AKT3: variants seen among roughly 807,000 people sequenced by gnomAD.
AKT3 encodes the protein AKT serine/threonine kinase 3.
AKT3 carries 15 observed loss-of-function variants against 65.3 expected under a neutral mutation model. That is an observed-to-expected ratio of 0.23 (90% CI 0.15 to 0.35). The LOEUF (loss-of-function observed/expected upper bound fraction) is 0.35. Ranked by LOEUF, AKT3 falls within the 10% of genes least tolerant of loss-of-function variation. AKT3 has a pLI of 1.00. For synonymous variants in AKT3, 206 were observed against 183.8 expected (o/e 1.12, Z -0.98); for missense variants, 243 against 576.5 (o/e 0.42, Z 5.92).
At chr1:243,799,202 T>C (rs985266065) in intron 2 of AKT3, among the ~76,000 whole-genome samples, 1 of 151,872 alleles carries the variant, frequency 6.6e-6, no homozygotes, top group East Asian at 1.9e-4. Context: ...AGAAAGAAAA[T>C]GGGGAGGGAA....
chr1:243,719,905 G>A (rs977495007), intron 2 of AKT3, among the ~76,000 whole-genome samples: 7 of 152,274 alleles, frequency 4.6e-5, no homozygotes, highest in East Asian at 1.9e-4. Flanking sequence ...TGTATTACGC[G>A]CAAACGGATT....
chr1:243,489,181 G>A (rs1282300154), intron 13 of AKT3: 1 of 1,604,330 alleles, frequency 6.2e-7, no homozygotes. Flanking sequence ...TCCTTGGGCG[G>A]GCGTCTACAG....
At chr1:243,585,848 A>G (rs1380952388) in intron 8 of AKT3, among the ~76,000 whole-genome samples, 1 of 152,230 alleles carries the variant, frequency 6.6e-6, no homozygotes, top group Admixed American at 6.5e-5. Flanking sequence ...TATATGACTA[A>G]GTCCTCGATA....
In AKT3 at chr1:243,786,619, A is replaced by G. The variant is rs371778829; in HGVS notation, c.46+56506T>C. Among the ~76,000 whole-genome samples, 12 of 152,352 alleles carry G rather than the reference A, an allele frequency of 7.9e-5. No individual in the cohort carries two copies. The East Asian group carries it at 2.3e-3, about 29-fold the overall frequency. ...TTAAGAGCTCTGAATCCAACAAATAAGTATGTAATAAGCAAATAAAAGTAA... is the reference window on the plus strand; with the variant it reads ...TTAAGAGCTCTGAATCCAACAAATAGGTATGTAATAAGCAAATAAAAGTAA... On this transcript the variant is annotated intron_variant, in intron 2 of 13. Transcript: ENST00000673466.
chr1:243,568,897 C>A (rs1574624749), intron 9 of AKT3, among the ~76,000 whole-genome samples: 2 of 152,076 alleles, frequency 1.3e-5, no homozygotes, highest in African/African-American at 4.8e-5. Flanking sequence ...GTAGGCCAGA[C>A]TAAATATTTG....
intron 2 of AKT3, among the ~76,000 whole-genome samples, chr1:243,814,063 G>C (rs772831546): frequency 1.4e-4 from 22 of 152,268 alleles, no homozygotes; most frequent in Middle Eastern, 3.4e-3. Flanking sequence ...ATCCACTCCA[G>C]CCTAAGCAAC....
rs575488338 is a variant in AKT3 at position 243,622,778 on chromosome 1, T to C, written c.562-7617A>G. Reference sequence around the variant, plus strand: ...GCTTCCTACAATAAACCACAATCGTTGATGCAATGTTTAATACAGAGGTTC... The same window carrying C: ...GCTTCCTACAATAAACCACAATCGTCGATGCAATGTTTAATACAGAGGTTC... On this transcript the variant is annotated intron_variant, in intron 6 of 13. Coordinates refer to ENST00000673466, the MANE Select transcript of AKT3 (RefSeq NM_005465.7). Among the ~76,000 whole-genome samples the C allele has an allele frequency of 4.6e-5, 7 of 152,268 alleles. No individual in the cohort carries two copies. In the South Asian group the frequency reaches 1.5e-3, roughly 32 times the overall value.
At chr1:243,623,082 T>C (rs1678886336) in intron 6 of AKT3, among the ~76,000 whole-genome samples, 1 of 152,216 alleles carries the variant, frequency 6.6e-6, no homozygotes, top group South Asian at 2.1e-4. Flanking sequence ...ATATTCTGCC[T>C]GGTCAGAGTA....
rs150743567 is a variant in AKT3 at position 243,781,448 on chromosome 1, T to C, written c.46+61677A>G. On this transcript the variant is annotated intron_variant, in intron 2 of 13. Coordinates refer to ENST00000673466, the MANE Select transcript of AKT3 (RefSeq NM_005465.7). ...ATTTGTACTTCCCTCCTCTGTCGAA[T>C]GCCTCTTCACATTCTTTGTCCTTTC... Among the ~76,000 whole-genome samples the C allele has an allele frequency of 3.5e-3, 537 of 152,328 alleles. 2 individuals carry two copies. The highest frequency in any genetic ancestry group is 0.012 in the African/African-American group (519 of 41,584).
intron 5 of AKT3, among the ~76,000 whole-genome samples, chr1:243,640,565 TC>T (rs1266810147): frequency 6.6e-6 from 1 of 152,260 alleles, no homozygotes; most frequent in East Asian, 1.9e-4. Flanking sequence ...GTCCATATTA[TC>T]CTGCTGGAGA....
intron 8 of AKT3, among the ~76,000 whole-genome samples, chr1:243,586,288 T>C (rs1675795660): frequency 6.6e-6 from 1 of 152,186 alleles, no homozygotes; most frequent in African/African-American, 2.4e-5. Flanking sequence ...CTTGTAACAC[T>C]GTTGGTGGGA....
chr1:243,515,883 G>A (rs989463267), intron 12 of AKT3, among the ~76,000 whole-genome samples: 4 of 151,936 alleles, frequency 2.6e-5, no homozygotes, highest in Admixed American at 6.6e-5. Flanking sequence ...CCAGCTACTC[G>A]GGAGAATGGC....
chr1:243,817,891 G>A lies in AKT3; in HGVS notation c.46+25234C>T, dbSNP rs536150411. 2.3e-4 allele frequency among the ~76,000 whole-genome samples: 35 copies of A among 152,222 alleles called. 1 individual carries two copies. The highest frequency in any genetic ancestry group is 1.6e-3 in the Admixed American group (25 of 15,288). On this transcript the variant is annotated intron_variant, in intron 2 of 13. Coordinates refer to ENST00000673466, the MANE Select transcript of AKT3 (RefSeq NM_005465.7). Reference sequence around the variant, plus strand: ...TGAATTCTATCCATGAATTAACTCAGGCATGGAAGATAAATGCTAAATTGT... The same window carrying A: ...TGAATTCTATCCATGAATTAACTCAAGCATGGAAGATAAATGCTAAATTGT...
At chr1:243,722,250 A>G (rs1049474600) in intron 2 of AKT3, among the ~76,000 whole-genome samples, 16 of 152,202 alleles carry the variant, frequency 1.1e-4, no homozygotes, top group Admixed American at 7.9e-4. Flanking sequence ...TATTATGCTT[A>G]CATTTGAACT....
chr1:243,646,575 G>A (rs993357964), intron 4 of AKT3, among the ~76,000 whole-genome samples: 22 of 152,054 alleles, frequency 1.4e-4, no homozygotes, highest in African/African-American at 4.6e-4. Context: ...GGCTGGTCTC[G>A]AACTCCTGAC....
chr1:243,712,236 G>T (rs923514191), intron 2 of AKT3, among the ~76,000 whole-genome samples: 2 of 152,170 alleles, frequency 1.3e-5, no homozygotes, highest in South Asian at 4.1e-4. Flanking sequence ...AAGTCAAGGT[G>T]GCTGATGATT....
chr1:243,594,196 G>A (rs1676440112), intron 8 of AKT3, among the ~76,000 whole-genome samples: 1 of 152,102 alleles, frequency 6.6e-6, no homozygotes, highest in South Asian at 2.1e-4. Flanking sequence ...AATAGGTAAA[G>A]AAAAATTGAA....
intron 2 of AKT3, among the ~76,000 whole-genome samples, chr1:243,828,880 A>T (rs9428587): frequency 0.05 from 7,639 of 152,222 alleles, 647 homozygotes; most frequent in African/African-American, 0.17. Context: ...AAGTAAGAAT[A>T]GATTCACTAA....
chr1:243,511,586 A>G (rs1670017436), intron 13 of AKT3, among the ~76,000 whole-genome samples: 1 of 152,234 alleles, frequency 6.6e-6, no homozygotes, highest in African/African-American at 2.4e-5. Flanking sequence ...GCATTCTTGC[A>G]GCCATCCAAA....
Sources: allele counts gnomAD v4.1 joint callset (sites outside exome capture counted in the v4.1 genomes callset), GRCh38; gene constraint gnomAD v4.1.1; transcripts MANE v1.5; gene names NCBI Gene and HGNC (gene_info 2026-07-23, HGNC 2026-07-21).